The following PLS3 variants were observed in gnomAD, a reference collection of about 807,000 sequenced individuals.
The protein encoded by PLS3 is plastin 3, also known as plastin-3.
PLS3 carries 11 observed loss-of-function variants against 46.5 expected under a neutral mutation model. The ratio of observed to expected loss-of-function variants is 0.24; its 90% CI spans 0.15 to 0.39. The LOEUF is 0.39. PLS3 is among the 10% of genes least tolerant of loss of function. The probability of loss-of-function intolerance (pLI) is 1.00; values close to 1 mark genes in which losing one functional copy is unlikely to be tolerated. For missense variants in PLS3, 308 were observed against 461.8 expected, an observed-to-expected ratio of 0.67 and a Z score of 3.05; for synonymous variants, 167 against 162.2, an observed-to-expected ratio of 1.03 and a Z score of -0.22.
At chrX:115,647,806 G>A in intron 14 of PLS3, 87 bp from the exon 15 acceptor site, 1 of 1,159,383 alleles carries the variant, frequency 8.6e-7, no homozygotes, top group Non-Finnish European at 1.2e-6. Flanking sequence ...CGAATTCACT[G>A]GGCTTTGTTT....
rs782421982 is a variant in PLS3 at position 115,645,448 on chromosome X, G to A, written c.1262+349G>A. 8.4e-4 allele frequency among the ~76,000 whole-genome samples: 92 copies of A among 109,698 alleles called. 2 individuals are homozygous for A. The highest frequency in any genetic ancestry group is 1.6e-3 in the Non-Finnish European group (82 of 52,746). ...GGTTGTGCCACTGTACTCCAGCCTG[G>A]GCAACAAAGTGAGATCCTATCTCTA... On this transcript the variant is annotated intron_variant, in intron 11 of 15. Transcript: ENST00000355899.
chrX:115,637,030 T>C, intron 8 of PLS3, 52 bp downstream of exon 8: 1 of 1,103,139 alleles, frequency 9.1e-7, no homozygotes, highest in Non-Finnish European at 1.2e-6. Context: ...AGCTGGAAGA[T>C]TTCATCCCAG....
At chrX:115,636,788 A>G (rs782135304) in intron 7 of PLS3, 48 bp from the exon 8 acceptor site, 1 of 1,118,991 alleles carries the variant, frequency 8.9e-7, no homozygotes, top group African/African-American at 1.9e-5. Context: ...TGGCATGACC[A>G]TTATTGTGTC....
intron 1 of PLS3, among the ~76,000 whole-genome samples, chrX:115,600,830 T>C (rs2074435726): frequency 9.0e-6 from 1 of 111,080 alleles, no homozygotes; most frequent in African/African-American, 3.3e-5. Context: ...AAACGTGCTT[T>C]GGGAGAGGAT....
At chrX:115,613,604 G>C (rs1414009643) in intron 2 of PLS3, among the ~76,000 whole-genome samples, 1 of 112,174 alleles carries the variant, frequency 8.9e-6, no homozygotes, top group Non-Finnish European at 1.9e-5. Context: ...TAGAAGTGGA[G>C]GTCTCGGGAT....
At chrX:115,593,803 A>C (rs782239235) in intron 1 of PLS3, among the ~76,000 whole-genome samples, 32 of 111,700 alleles carry the variant, frequency 2.9e-4, no homozygotes, top group Non-Finnish European at 4.7e-4. Context: ...AAGTAGAATA[A>C]AATTTTTGTT....
At chrX:115,629,398 G>T in intron 4 of PLS3, 71 bp downstream of exon 4, 3 of 932,923 alleles carry the variant, frequency 3.2e-6, no homozygotes, top group Non-Finnish European at 4.4e-6. Context: ...TCAAGGACGG[G>T]CTCTAGAAAA....
chrX:115,565,203 A>G (rs2074164797), intron 1 of PLS3, among the ~76,000 whole-genome samples: 1 of 111,579 alleles, frequency 9.0e-6, no homozygotes, highest in Non-Finnish European at 1.9e-5. Context: ...GGGCCAATTT[A>G]TTTTAGTTAC....
At chrX:115,615,487 CAGAGAGAGAGAGAG>C (rs72382307) in intron 2 of PLS3, among the ~76,000 whole-genome samples, 27 of 73,772 alleles carry the variant, frequency 3.7e-4, no homozygotes, top group East Asian at 4.2e-4. Context: ...CACGTGTCAT[CAGAGAGAGAGAGAG>C]AGAGAGAGAG....
At chrX:115,612,498 CTT>C in intron 2 of PLS3, among the ~76,000 whole-genome samples, 1 of 110,930 alleles carries the variant, frequency 9.0e-6, no homozygotes, top group South Asian at 3.8e-4. Flanking sequence ...AGCTCTATAA[CTT>C]ATTATCCTGT....
At chrX:115,582,733 A>AT (rs1291009156) in intron 1 of PLS3, among the ~76,000 whole-genome samples, 4 of 112,551 alleles carry the variant, frequency 3.6e-5, no homozygotes, top group Non-Finnish European at 7.5e-5. Context: ...AGATTTAAAC[A>AT]TTTTTTTAAA....
chrX:115,605,738 A>C (rs782225542), intron 1 of PLS3, among the ~76,000 whole-genome samples: 1 of 111,986 alleles, frequency 8.9e-6, no homozygotes, highest in East Asian at 2.8e-4. Context: ...TGCTGGGATT[A>C]CAGGCATGAG....
At chrX:115,568,932 AGGC>A (rs1556630398) in intron 1 of PLS3, among the ~76,000 whole-genome samples, 1 of 110,247 alleles carries the variant, frequency 9.1e-6, no homozygotes, top group Non-Finnish European at 1.9e-5. Context: ...GCTACTTGGG[AGGC>A]TAAGGCAGGA....
chrX:115,586,009 G>C (rs2074305664), intron 1 of PLS3, among the ~76,000 whole-genome samples: 1 of 107,087 alleles, frequency 9.3e-6, no homozygotes, highest in Admixed American at 1.0e-4. Flanking sequence ...TTTTTTTGAC[G>C]GAGTTTTGCT....
At chrX:115,575,644 C>G (rs1254245985) in intron 1 of PLS3, among the ~76,000 whole-genome samples, 3 of 111,330 alleles carry the variant, frequency 2.7e-5, no homozygotes, top group African/African-American at 9.8e-5. Flanking sequence ...GGGGTTTCAC[C>G]GTGTTAGCCA....
chrX:115,567,570 C>CGGTA (rs782387139), intron 1 of PLS3, among the ~76,000 whole-genome samples: 35 of 109,976 alleles, frequency 3.2e-4, no homozygotes, highest in African/African-American at 1.2e-3. Flanking sequence ...CAAGCCTGGG[C>CGGTA]TACCGAGTGA....
At chrX:115,601,053 C>G (rs2074437910) in intron 1 of PLS3, among the ~76,000 whole-genome samples, 1 of 110,947 alleles carries the variant, frequency 9.0e-6, no homozygotes, top group African/African-American at 3.3e-5. Context: ...TGTGAGAGTA[C>G]TGGGAAGATA....
At chrX:115,622,189 C>T (rs2074662198) in intron 2 of PLS3, 57 bp from the exon 3 acceptor site, 1 of 975,768 alleles carries the variant, frequency 1.0e-6, no homozygotes. Context: ...GGGAAATACT[C>T]TAACTTCTGT....
At chrX:115,565,898 A>C (rs1007076683) in intron 1 of PLS3, among the ~76,000 whole-genome samples, 1 of 112,343 alleles carries the variant, frequency 8.9e-6, no homozygotes, top group Non-Finnish European at 1.9e-5. Flanking sequence ...TTTGATAATA[A>C]GGAGGTAGTG....
Sources: gnomAD v4.1 joint callset for allele counts (sites outside exome capture counted in the v4.1 genomes callset) on GRCh38, gnomAD v4.1.1 for gene constraint, MANE v1.5 for transcripts, NCBI Gene and HGNC (gene_info 2026-07-23, HGNC 2026-07-21) for gene names.